Variants in COL5A1 observed in about 807,000 individuals in gnomAD.
COL5A1 encodes the protein collagen alpha-1(V) chain.
Under a neutral mutation model 263.7 loss-of-function variants are expected in COL5A1, and 16 were observed. The ratio of observed to expected loss-of-function variants is 0.06; its 90% CI spans 0.04 to 0.09. The LOEUF is 0.09. Among genes scored for constraint, COL5A1 ranks in the 10% least tolerant of loss-of-function variants. The pLI is 1.00. For synonymous variants in COL5A1, 1,012 were observed against 1,004.5 expected (o/e 1.01, Z -0.14); for missense variants, 2,036 against 2,540.5 (o/e 0.80, Z 4.27).
chr9:134,756,914 C>T lies in COL5A1; in HGVS notation c.1881+96C>T, dbSNP rs1439412986. 4.2e-5 allele frequency: 51 copies of T among 1,222,466 alleles called. 1 individual carries two copies. The South Asian group carries it at 5.0e-4, about 12-fold the overall frequency. 75.7% of individuals were successfully genotyped at this position (1,222,466 alleles called of 1,614,324 possible). ...CAAAATGCTGGTTATGTGATGACTA[C>T]GATTATGATGACAGGTGGCTCCGTC... is the stretch of plus-strand genomic sequence containing the variant. On this transcript the variant is annotated intron_variant, in intron 17 of 65. Transcript: ENST00000371817.
chr9:134,732,274 C>T, intron 9 of COL5A1, 147 bp downstream of exon 9: 1 of 780,124 alleles, frequency 1.3e-6, no homozygotes, highest in East Asian at 2.6e-5. Flanking sequence ...TCGTGGAGTC[C>T]ACGCACCACT....
chr9:134,748,349 A>G (rs745766365), intron 11 of COL5A1, among the ~76,000 whole-genome samples: 10 of 152,072 alleles, frequency 6.6e-5, no homozygotes, highest in Non-Finnish European at 1.3e-4. Context: ...TCACACATTC[A>G]CACACATGCA....
chr9:134,657,937 G>T lies in COL5A1; in HGVS notation c.109+15641G>T, dbSNP rs142170654. ...GTCACAGGCTGGTGAGGAGTGGGGA[G>T]ACCAGGCCTGGGAGTCCTGGCCTGT... On this transcript the variant is annotated intron_variant, in intron 1 of 65. Transcript: ENST00000371817. Among the ~76,000 whole-genome samples the T allele has an allele frequency of 3.0e-3, 461 of 152,036 alleles. 3 individuals are homozygous for T. Among genetic ancestry groups the T allele is most frequent in the Admixed American group, 6.3e-3 (96 of 15,288 alleles).
intron 2 of COL5A1, among the ~76,000 whole-genome samples, chr9:134,697,019 T>C (rs1396433862): frequency 1.3e-5 from 2 of 151,122 alleles, no homozygotes; most frequent in Non-Finnish European, 2.9e-5. Flanking sequence ...TGCAGTGAGC[T>C]GAGATCACGC....
intron 1 of COL5A1, among the ~76,000 whole-genome samples, chr9:134,653,695 T>C (rs992105173): frequency 1.3e-5 from 2 of 151,856 alleles, no homozygotes; most frequent in Non-Finnish European, 2.9e-5. Flanking sequence ...GCCAGGGTTC[T>C]ATAGGGATGG....
intron 18 of COL5A1, among the ~76,000 whole-genome samples, chr9:134,759,639 CAT>C (rs1313365878): frequency 1.0e-5 from 1 of 96,390 alleles, no homozygotes; most frequent in Non-Finnish European, 1.9e-5. Flanking sequence ...CACCCATATT[CAT>C]ACACACATGC....
At chr9:134,723,231 C>T (rs1834530742) in intron 4 of COL5A1, among the ~76,000 whole-genome samples, 1 of 152,192 alleles carries the variant, frequency 6.6e-6, no homozygotes, top group African/African-American at 2.4e-5. Context: ...TGTCCTGAGG[C>T]ACCACTGTCC....
At position 134,796,855 on chromosome 9, in the gene COL5A1, A is replaced by T. The variant is rs61736966; in HGVS notation, c.2852A>T (p.Asn951Ile). 6.2e-7 allele frequency: 1 copy of T among 1,614,036 alleles called. No homozygotes were observed. The highest frequency in any genetic ancestry group is 1.1e-5 in the South Asian group (1 of 91,078). The change falls in exon 36 of 66, where the codon AAT (asparagine) becomes ATT (isoleucine). Residue 951 changes from asparagine (N) to isoleucine (I), a missense_variant. Around this residue, in one of 3 missense-constraint regions of COL5A1, gnomAD observed 1,078 missense variants for 1,521.4 expected, o/e 0.71. Coordinates refer to ENST00000371817, the MANE Select transcript of COL5A1 (RefSeq NM_000093.5). ...PAGPPGERGP[N>I]GPQGPTGFPG... Reference sequence around the variant, plus strand: ...GCCTTTCTCTGTTCCCAGGGACCCAATGGACCCCAAGGACCCACAGGATTT... The same window carrying T: ...GCCTTTCTCTGTTCCCAGGGACCCATTGGACCCCAAGGACCCACAGGATTT...
At chr9:134,643,685 G>T (rs1452448487) in intron 1 of COL5A1, among the ~76,000 whole-genome samples, 2 of 152,282 alleles carry the variant, frequency 1.3e-5, no homozygotes, top group South Asian at 4.1e-4. Context: ...TTCTCCAGGG[G>T]TTAGCTGAAG....
intron 5 of COL5A1, 31 bp downstream of exon 5, chr9:134,727,428 G>A: frequency 6.2e-7 from 1 of 1,613,574 alleles, no homozygotes; most frequent in Non-Finnish European, 8.5e-7. Context: ...ATCTTGGGGA[G>A]CATGAGCAGA....
intron 7 of COL5A1, among the ~76,000 whole-genome samples, 158 bp from the exon 8 acceptor site, chr9:134,731,338 C>G (rs1198855787): frequency 1.3e-5 from 2 of 152,126 alleles, no homozygotes; most frequent in Non-Finnish European, 2.9e-5. Flanking sequence ...GGGTCTCTGC[C>G]CAGTTGACCG....
intron 19 of COL5A1, 104 bp downstream of exon 19, chr9:134,762,082 C>T (rs548740854): frequency 3.6e-5 from 44 of 1,233,388 alleles, no homozygotes; most frequent in African/African-American, 3.4e-4. Flanking sequence ...ATTGGCCTGC[C>T]GCATGTGGAG....
chr9:134,801,654 G>A (rs956679605), intron 37 of COL5A1, among the ~76,000 whole-genome samples: 3 of 152,130 alleles, frequency 2.0e-5, no homozygotes, highest in African/African-American at 7.2e-5. Context: ...AGGTGTGATG[G>A]TGTGTGCCTG....
At chr9:134,800,340 T>C (rs1445295136) in intron 37 of COL5A1, among the ~76,000 whole-genome samples, 2 of 152,108 alleles carry the variant, frequency 1.3e-5, no homozygotes, top group East Asian at 3.9e-4. Flanking sequence ...TTGACACCCA[T>C]CCACCGTTCC....
rs1308122173 is a variant in COL5A1, at chr9:134,682,453, G to C, written c.110-8459G>C. 6.6e-6 allele frequency among the ~76,000 whole-genome samples: 1 copy of C among 152,218 alleles called. No homozygotes were observed. Among genetic ancestry groups the C allele is most frequent in the Non-Finnish European group, 1.5e-5 (1 of 68,038 alleles). On this transcript the variant is annotated intron_variant, in intron 1 of 65. Coordinates refer to ENST00000371817, the MANE Select transcript of COL5A1 (RefSeq NM_000093.5). This position sits in a 1 kb window ranked among gnomAD's most constrained non-coding sequence, Gnocchi z 5.1. ...ACTTCCCCAGAGACCCTGACCCCAG[G>C]ACCGACGGAGCCAGCCCAGTGCCAG... is the stretch of plus-strand genomic sequence containing the variant.
intron 4 of COL5A1, among the ~76,000 whole-genome samples, chr9:134,718,797 C>T (rs1287623327): frequency 6.6e-6 from 1 of 152,134 alleles, no homozygotes; most frequent in Non-Finnish European, 1.5e-5. Flanking sequence ...GCGAGAGTGG[C>T]GCTGCCTCTC....
chr9:134,756,940 A>C, intron 17 of COL5A1, 122 bp downstream of exon 17: 1 of 970,746 alleles, frequency 1.0e-6, no homozygotes, highest in African/African-American at 1.6e-5. Flanking sequence ...TGGCTCCGTC[A>C]CTGGCATTTG....
intron 36 of COL5A1, 96 bp downstream of exon 36, chr9:134,796,997 C>A: frequency 1.6e-6 from 2 of 1,262,724 alleles, no homozygotes; most frequent in Non-Finnish European, 1.2e-6. Context: ...GAGGTCTGCT[C>A]GGAGCTCCTC....
intron 4 of COL5A1, among the ~76,000 whole-genome samples, chr9:134,714,638 A>ATGG (rs546123022): frequency 4.6e-5 from 5 of 108,174 alleles, no homozygotes; most frequent in Admixed American, 2.8e-4. Context: ...GGTGGAGGTG[A>ATGG]TGGTGGTGGT....
Sources: allele counts gnomAD v4.1 joint callset (sites outside exome capture counted in the v4.1 genomes callset), GRCh38; gene constraint gnomAD v4.1.1; regional missense constraint gnomAD v4.1.1; non-coding constraint Gnocchi (gnomAD v3.1); transcripts MANE v1.5; gene names NCBI Gene and HGNC (gene_info 2026-07-23, HGNC 2026-07-21).